RAPGEF4: variants seen among roughly 807,000 people sequenced by gnomAD.
RAPGEF4 encodes the protein Rap guanine nucleotide exchange factor 4, also known as RAP guanine-nucleotide-exchange factor (GEF) 4.
Under a neutral mutation model 147.9 loss-of-function variants are expected in RAPGEF4, and 66 were observed. The observed-to-expected ratio is 0.45, with a 90% CI of 0.37 to 0.55. The LOEUF is 0.55. Ranked by LOEUF, RAPGEF4 falls within the 20% of genes least tolerant of loss-of-function variation. RAPGEF4 has a pLI of 0.00. For synonymous variants in RAPGEF4, 419 were observed against 442.7 expected, an observed-to-expected ratio of 0.95 and a Z score of 0.67; for missense variants, 1,071 against 1,257.3, an observed-to-expected ratio of 0.85 and a Z score of 2.24.
At chr2:172,786,031 G>C (rs1305412279) in intron 1 of RAPGEF4, among the ~76,000 whole-genome samples, 3 of 152,134 alleles carry the variant, frequency 2.0e-5, no homozygotes, top group African/African-American at 4.8e-5. Flanking sequence ...CTGATTTATG[G>C]TTATTGTGTG....
In RAPGEF4 at chr2:172,761,775, A is replaced by T. The variant is rs1466420582; in HGVS notation, c.65+25727A>T. ...ATGTACAAGGAGATCAGTGGGTGCT[A>T]GAATGGGTAACTCTCAATGCAAGTG... is the stretch of plus-strand genomic sequence containing the variant. On this transcript the variant is annotated intron_variant, in intron 1 of 30. Coordinates refer to ENST00000397081, the MANE Select transcript of RAPGEF4 (RefSeq NM_007023.4). Among the ~76,000 whole-genome samples, 22 of 152,192 alleles carry T rather than the reference A, an allele frequency of 1.4e-4. 1 individual carries two copies. The highest frequency in any genetic ancestry group is 1.4e-3 in the Admixed American group (22 of 15,282).
At chr2:172,827,945 C>T (rs1265480584) in intron 4 of RAPGEF4, among the ~76,000 whole-genome samples, 1 of 152,140 alleles carries the variant, frequency 6.6e-6, no homozygotes, top group Non-Finnish European at 1.5e-5. Flanking sequence ...CTAAATCTGC[C>T]CTTACATCCT....
At chr2:172,835,100 T>C (rs115394904) in intron 4 of RAPGEF4, among the ~76,000 whole-genome samples, 265 of 152,346 alleles carry the variant, frequency 1.7e-3, no homozygotes, top group African/African-American at 6.0e-3. Context: ...CTCTTTCCTC[T>C]GCTCCTGGTG....
intron 23 of RAPGEF4, among the ~76,000 whole-genome samples, chr2:173,021,423 C>A (rs1696076219): frequency 6.6e-6 from 1 of 152,152 alleles, no homozygotes; most frequent in Non-Finnish European, 1.5e-5. Flanking sequence ...CGGGGTTTCT[C>A]CTTTAAGAAA....
chr2:172,900,567 A>G (rs1301747891), intron 4 of RAPGEF4, among the ~76,000 whole-genome samples: 1 of 152,186 alleles, frequency 6.6e-6, no homozygotes, highest in Non-Finnish European at 1.5e-5. Flanking sequence ...AATTTTAAAT[A>G]TATCTAGCAA....
intron 3 of RAPGEF4, among the ~76,000 whole-genome samples, chr2:172,799,272 G>A (rs1392727851): frequency 3.3e-5 from 5 of 152,104 alleles, no homozygotes; most frequent in Admixed American, 3.3e-4. Flanking sequence ...TTTTACAGAT[G>A]AGAAAACGAA....
At chr2:172,848,915 G>GA (rs574661072) in intron 4 of RAPGEF4, among the ~76,000 whole-genome samples, 19 of 151,246 alleles carry the variant, frequency 1.3e-4, no homozygotes, top group South Asian at 1.0e-3. Context: ...CTCAATTAGT[G>GA]AAAAAAAAGG....
Position 172,852,816 on chromosome 2 carries a change from A to T in RAPGEF4, c.444+38391A>T, listed in dbSNP as rs576279550. Among the ~76,000 whole-genome samples the T allele has an allele frequency of 2.8e-3, 419 of 152,220 alleles. 3 individuals carry two copies. The highest frequency in any genetic ancestry group is 0.023 in the South Asian group (110 of 4,826). On this transcript the variant is annotated intron_variant, in intron 4 of 30. Coordinates refer to ENST00000397081, the MANE Select transcript of RAPGEF4 (RefSeq NM_007023.4). ...TTTTTAATTTGATGAGAGTTTTTTT[A>T]AAAATCACACATTGATATTAAATGT...
chr2:172,887,299 A>G (rs947204920), intron 4 of RAPGEF4, among the ~76,000 whole-genome samples: 3 of 152,258 alleles, frequency 2.0e-5, no homozygotes, highest in African/African-American at 7.2e-5. Context: ...GAAAATATCC[A>G]TATTCTATGC....
intron 4 of RAPGEF4, among the ~76,000 whole-genome samples, chr2:172,861,103 T>A (rs533184314): frequency 6.6e-6 from 1 of 152,140 alleles, no homozygotes; most frequent in Non-Finnish European, 1.5e-5. Context: ...CTCTGAGATA[T>A]CCTACATTTC....
At chr2:172,814,917 T>G (rs1431540226) in intron 4 of RAPGEF4, among the ~76,000 whole-genome samples, 1 of 152,214 alleles carries the variant, frequency 6.6e-6, no homozygotes, top group Non-Finnish European at 1.5e-5. Flanking sequence ...CTTGCCAACT[T>G]CAAAATGCAT....
chr2:172,956,494 G>A (rs995358066), intron 6 of RAPGEF4, among the ~76,000 whole-genome samples: 6 of 146,266 alleles, frequency 4.1e-5, no homozygotes, highest in Admixed American at 2.7e-4. Flanking sequence ...TTTTGAGATG[G>A]AATCTCACTC....
At chr2:172,966,521 T>C (rs1186716821) in intron 9 of RAPGEF4, among the ~76,000 whole-genome samples, 1 of 152,196 alleles carries the variant, frequency 6.6e-6, no homozygotes, top group East Asian at 1.9e-4. Flanking sequence ...GATCTACTGC[T>C]TGTCTTTACC....
chr2:172,759,779 A>G (rs1387914535), intron 1 of RAPGEF4, among the ~76,000 whole-genome samples: 1 of 152,250 alleles, frequency 6.6e-6, no homozygotes, highest in Non-Finnish European at 1.5e-5. Context: ...ACTGCTGCCA[A>G]AAAGACAACT....
At chr2:172,759,445 T>C (rs1696087016) in intron 1 of RAPGEF4, among the ~76,000 whole-genome samples, 1 of 152,056 alleles carries the variant, frequency 6.6e-6, no homozygotes, top group East Asian at 1.9e-4. Context: ...ATTATGAAAT[T>C]AGGGTGTTAT....
intron 29 of RAPGEF4, among the ~76,000 whole-genome samples, chr2:173,039,334 G>C (rs183748481): frequency 6.6e-6 from 1 of 151,760 alleles, no homozygotes; most frequent in South Asian, 2.1e-4. Context: ...GTGTGGTGGC[G>C]GGCACCTGTA....
In RAPGEF4 at chr2:172,819,910, T is replaced by C. The variant is rs145887864; in HGVS notation, c.444+5485T>C. Among the ~76,000 whole-genome samples the C allele has an allele frequency of 6.7e-3, 1,018 of 152,344 alleles. 3 individuals are homozygous for C. Among genetic ancestry groups the C allele is most frequent in the Non-Finnish European group, 0.011 (778 of 68,036 alleles). On this transcript the variant is annotated intron_variant, in intron 4 of 30. Coordinates refer to ENST00000397081, the MANE Select transcript of RAPGEF4 (RefSeq NM_007023.4). ...AAGCAGTTATTATATTAATAGTTGA[T>C]CTAAGATTATGGGTATTTTATGATT...
intron 1 of RAPGEF4, 123 bp from the exon 2 acceptor site, chr2:172,794,902 G>A: frequency 1.0e-6 from 1 of 961,328 alleles, no homozygotes. Context: ...ATAAATATTT[G>A]CAATGAAATA....
chr2:173,020,388 T>G (rs1031958837), intron 22 of RAPGEF4, among the ~76,000 whole-genome samples: 1 of 152,226 alleles, frequency 6.6e-6, no homozygotes, highest in Admixed American at 6.5e-5. Flanking sequence ...GAATTGACCC[T>G]CTGGCATCTC....
Sources: allele counts gnomAD v4.1 joint callset (sites outside exome capture counted in the v4.1 genomes callset), GRCh38; gene constraint gnomAD v4.1.1; transcripts MANE v1.5; gene names NCBI Gene and HGNC (gene_info 2026-07-23, HGNC 2026-07-21).